Variants in LIME1 observed in about 807,000 individuals in gnomAD.
LIME1 encodes lck-interacting transmembrane adapter 1.
A neutral mutation model predicts 18.8 loss-of-function variants in LIME1; 23 were observed. The observed-to-expected ratio is 1.22, with a 90% CI of 0.88 to 1.73. The LOEUF is 1.73. Among genes scored for constraint, LIME1 ranks in the 40% most tolerant of loss-of-function variants. The pLI, the probability that LIME1 is intolerant of heterozygous loss-of-function variation, is 0.00. For synonymous variants in LIME1, 177 were observed against 182.3 expected (o/e 0.97, Z 0.23); for missense variants, 423 against 396.8 (o/e 1.07, Z -0.56).
chr20:63,737,033 C>T (rs1303338097), intron 1 of LIME1: 2 of 986,458 alleles, frequency 2.0e-6, no homozygotes, highest in African/African-American at 3.5e-5. Flanking sequence ...TGCCTGCTGA[C>T]CCAGCCTCCA....
upstream of LIME1, chr20:63,736,333 A>G: frequency 5.4e-6 from 1 of 186,904 alleles, no homozygotes; most frequent in South Asian, 8.7e-5. Context: ...GGTGGAGCTC[A>G]GTGCTGCTCC....
chr20:63,736,283 A>G, upstream of LIME1: 1 of 216,454 alleles, frequency 4.6e-6, no homozygotes, highest in Non-Finnish European at 9.3e-6. Flanking sequence ...GGCAGATCGG[A>G]GGCCAGGGTG....
At chr20:63,735,926 C>T, upstream of LIME1, 1 of 1,608,980 alleles carries the variant, frequency 6.2e-7, no homozygotes, top group Non-Finnish European at 8.5e-7. Context: ...CTAGAGACCC[C>T]ACAAGCACTA....
chr20:63,738,992 G>A lies in LIME1; in HGVS notation c.*92G>A, dbSNP rs1265012412. On this transcript the variant is annotated 3_prime_UTR_variant, in exon 6 of 6. Transcript: ENST00000309546. ...CTGACAGCGCCAGTCCCAGGTCCCC[G>A]GGCTGCCAGCCCGTGAGGTCCGTGA... 3.9e-6 allele frequency: 5 copies of A among 1,275,856 alleles called. No individual in the cohort carries two copies. The highest frequency in any genetic ancestry group is 3.0e-5 in the African/African-American group (2 of 65,984). 79.0% of individuals were successfully genotyped at this position (1,275,856 alleles called of 1,614,324 possible).
At chr20:63,737,463 A>T in intron 1 of LIME1, 70 bp from the exon 2 acceptor site, 1 of 1,398,950 alleles carries the variant, frequency 7.1e-7, no homozygotes. Context: ...CGGGAGGTGC[A>T]GATTTGGGGC....
At position 63,738,259 on chromosome 20, in the gene LIME1, A is replaced by G. The variant is rs751105632; in HGVS notation, c.345A>G (p.Ala115=). 4.0e-5 allele frequency: 63 copies of G among 1,588,094 alleles called. No homozygotes were observed. The highest frequency in any genetic ancestry group is 5.4e-5 in the Non-Finnish European group (63 of 1,172,324). ...EVSRDITGPQ[A]APSAFPHQEL... ...CCAGGGACATCACCGGACCGCAGGC[A>G]GCCCCCTCTGCCTTCCCACACCAGG... The change falls in exon 5 of 6, where the codon GCA becomes GCG. Residue 115 remains alanine (A), a synonymous_variant. Coordinates refer to ENST00000309546, the MANE Select transcript of LIME1 (RefSeq NM_017806.4).
Position 63,738,341 on chromosome 20 carries a change from G to A in LIME1, c.427G>A (p.Ala143Thr), listed in dbSNP as rs1280870670. 1 of 1,558,166 alleles carries A rather than the reference G, an allele frequency of 6.4e-7. No individual in the cohort carries two copies. The highest frequency in any genetic ancestry group is 8.7e-7 in the Non-Finnish European group (1 of 1,154,030). ...CACCGCAGGGTGCGCTGGCCTCGAG[G>A]CCACCTATTCCAACGTGGGGCTGGC... is the stretch of plus-strand genomic sequence containing the variant. Reference protein sequence around the residue: ...AATAGCAGLEATYSNVGLAAL... With the variant: ...AATAGCAGLETTYSNVGLAAL... The change falls in exon 5 of 6, where the codon GCC becomes ACC. Residue 143 changes from alanine to threonine, a missense_variant. By Grantham distance (58) the Ala-to-Thr change is moderately conservative. Transcript: ENST00000309546.
At chr20:63,736,896 C>A (rs903010992) in intron 1 of LIME1, 184 bp downstream of exon 1, 8 of 985,836 alleles carry the variant, frequency 8.1e-6, no homozygotes, top group Non-Finnish European at 9.6e-6. Context: ...GTAAGGCATC[C>A]CCCACCCCGA....
chr20:63,738,587 C>T lies in LIME1; in HGVS notation c.586-11C>T, dbSNP rs774747815. ...TGCTGACCCCTCCTCGGGTTGGCTT[C>T]CTGTCTCCAGGTGGACGTCCTGTAC... On this transcript the variant is annotated splice_polypyrimidine_tract_variant and intron_variant, in intron 5 of 5. Coordinates refer to ENST00000309546, the MANE Select transcript of LIME1 (RefSeq NM_017806.4). 2.8e-5 allele frequency: 43 copies of T among 1,539,174 alleles called. No homozygotes were observed. The highest frequency in any genetic ancestry group is 3.5e-5 in the Non-Finnish European group (40 of 1,143,992).
chr20:63,737,272 T>C lies in LIME1; in HGVS notation c.-17-261T>C, dbSNP rs2092001208. On this transcript the variant is annotated intron_variant, in intron 1 of 5. Coordinates refer to ENST00000309546, the MANE Select transcript of LIME1 (RefSeq NM_017806.4). ...GCTGTCTTGCCCCTCCTCACGGCCG[T>C]GCTGGGTGTTACCGTGGTCACCCGC... The C allele has an allele frequency of 4.1e-6, 5 of 1,228,904 alleles. No homozygotes were observed. In the South Asian group the frequency reaches 1.2e-4, roughly 30 times the overall value. The allele number at this position is 1,228,904 out of a possible 1,614,324, so 76.1% of individuals were successfully genotyped here.
chr20:63,738,248 G>C lies in LIME1; in HGVS notation c.334G>C (p.Gly112Arg), dbSNP rs750028003. 1 of 1,589,888 alleles carries C rather than the reference G, an allele frequency of 6.3e-7. No individual in the cohort carries two copies. Among genetic ancestry groups the C allele is most frequent in the Admixed American group, 1.7e-5 (1 of 58,490 alleles). The stretch of plus-strand genomic sequence containing the variant: ...GCTGGAGGTGTCCAGGGACATCACC[G>C]GACCGCAGGCAGCCCCCTCTGCCTT... The part of the protein sequence containing the change: ...HWLEVSRDIT[G>R]PQAAPSAFPH... The change falls in exon 5 of 6, where the codon GGA (glycine) becomes CGA (arginine). Residue 112 changes from glycine to arginine, a missense_variant. Physicochemically the swap from Gly to Arg is moderately radical, Grantham distance 125 (BLOSUM62 -2). Transcript: ENST00000309546.
Position 63,738,073 on chromosome 20 carries a change from C to CGGGGGGGGGGGG in LIME1, c.268+17_268+18insGGGGGGGGGGGG. ...CGCAGCAGCAGGGGTGAGCAGAGGG[C>CGGGGGGGGGGGG]GGGGCGGGGGCGGCCGGGCGGGGCT... On this transcript the variant is annotated intron_variant, in intron 4 of 5. Coordinates refer to ENST00000309546, the MANE Select transcript of LIME1 (RefSeq NM_017806.4). The CGGGGGGGGGGGG allele has an allele frequency of 1.4e-6, 2 of 1,425,090 alleles. No homozygotes were observed. The highest frequency in any genetic ancestry group is 2.1e-5 in the Admixed American group (1 of 48,012). 88.3% of individuals were successfully genotyped at this position (1,425,090 alleles called of 1,614,324 possible). A position where few individuals can be genotyped will look rare whatever the true frequency, so the allele number is the denominator to read the frequency against.
upstream of LIME1, chr20:63,736,186 G>T: frequency 2.1e-6 from 1 of 486,414 alleles, no homozygotes; most frequent in Non-Finnish European, 3.7e-6. Flanking sequence ...GGGAGAGAAG[G>T]GTCTGTGCAG....
rs753075498 is a variant in LIME1, at chr20:63,737,826, A to AG, written c.106dup (p.Asp36GlyfsTer154). 6.1e-5 allele frequency: 76 copies of AG among 1,251,572 alleles called. No individual in the cohort carries two copies. Among genetic ancestry groups the AG allele is most frequent in the African/African-American group, 1.1e-4 (7 of 64,260 alleles). The allele number at this position is 1,251,572 out of a possible 1,614,324, so 77.5% of individuals were successfully genotyped here. ...CCCCCACCTCTACCCCCAAGGCCCG[A>AG]GGACGCTGTAGCCCCCAGGAAGAGG... On this transcript the variant is annotated frameshift_variant, in exon 3 of 6. Transcript: ENST00000309546. LOFTEE classifies it high-confidence loss of function.
Position 63,736,701 on chromosome 20 carries a change from G to T in LIME1, c.-29G>T, listed in dbSNP as rs1380956350. The T allele has an allele frequency of 1.0e-6, 1 of 985,562 alleles. No homozygotes were observed. Among genetic ancestry groups the T allele is most frequent in the African/African-American group, 1.7e-5 (1 of 57,218 alleles). 61.1% of individuals were successfully genotyped at this position (985,562 alleles called of 1,614,324 possible). A position where few individuals can be genotyped will look rare whatever the true frequency, so the allele number is the denominator to read the frequency against. On this transcript the variant is annotated 5_prime_UTR_variant, in exon 1 of 6. Coordinates refer to ENST00000309546, the MANE Select transcript of LIME1 (RefSeq NM_017806.4). The stretch of plus-strand genomic sequence containing the variant: ...CCCCAGACAGAGCTGAGGACCCCTG[G>T]CCGTGGGCTTGGTAAGTGCCCTCCT...
rs1471682610 is a variant in LIME1 at position 63,737,637 on chromosome 20, G to A, written c.88G>A (p.Ala30Thr). 5 of 1,591,282 alleles carry A rather than the reference G, an allele frequency of 3.1e-6. No individual in the cohort carries two copies. Among genetic ancestry groups the A allele is most frequent in the Middle Eastern group, 1.7e-4 (1 of 5,896 alleles). Residue 30 changes from alanine (A) to threonine (T), a missense_variant, in exon 2 of 6, where the codon GCC (alanine) becomes ACC (threonine). Ala to Thr is a moderately conservative substitution (Grantham distance 58). Transcript: ENST00000309546. ...LLLSLWALCTACRRPEDAVAP... is the reference protein window; with the variant it reads ...LLLSLWALCTTCRRPEDAVAP... The stretch of plus-strand genomic sequence containing the variant: ...CCTCTCGCTGTGGGCGCTGTGCACA[G>A]CCTGCCGCAGGTAGGTCCCTCAGCC...
In LIME1 at chr20:63,737,874, T is replaced by G. The variant is rs1327959474; in HGVS notation, c.152T>G (p.Leu51Arg). 2 of 1,578,392 alleles carry G rather than the reference T, an allele frequency of 1.3e-6. No homozygotes were observed. The highest frequency in any genetic ancestry group is 1.7e-6 in the Non-Finnish European group (2 of 1,167,998). Residue 51 changes from leucine (L) to arginine (R), a missense_variant, in exon 3 of 6, where the codon CTG (leucine) becomes CGG (arginine). Leu to Arg is a moderately radical substitution (Grantham distance 102, BLOSUM62 -2). Transcript: ENST00000309546. ...AGGGCGCGGAGGCAGCGGGCGAGGC[T>G]GCAGGGCAGTGCGACGGCGGCGGAA... ...RKRARRQRAR[L>R]QGSATAAEAS...
At position 63,736,692 on chromosome 20, in the gene LIME1, G is replaced by A. The variant is rs2091993224; in HGVS notation, c.-38G>A. ...CCTGGCCTGCCCCAGACAGAGCTGA[G>A]GACCCCTGGCCGTGGGCTTGGTAAG... On this transcript the variant is annotated 5_prime_UTR_variant, in exon 1 of 6. Coordinates refer to ENST00000309546, the MANE Select transcript of LIME1 (RefSeq NM_017806.4). 1 of 985,558 alleles carries A rather than the reference G, an allele frequency of 1.0e-6. No individual in the cohort carries two copies. 61.1% of individuals were successfully genotyped at this position (985,558 alleles called of 1,614,324 possible).
chr20:63,738,994 G>C lies in LIME1; in HGVS notation c.*94G>C. The C allele has an allele frequency of 1.6e-6, 2 of 1,268,584 alleles. No homozygotes were observed. Among genetic ancestry groups the C allele is most frequent in the East Asian group, 2.6e-5 (1 of 38,110 alleles). The allele number at this position is 1,268,584 out of a possible 1,614,324, so 78.6% of individuals were successfully genotyped here. On this transcript the variant is annotated 3_prime_UTR_variant, in exon 6 of 6. Transcript: ENST00000309546. ...GACAGCGCCAGTCCCAGGTCCCCGG[G>C]CTGCCAGCCCGTGAGGTCCGTGAGG...
Sources: allele counts gnomAD v4.1 joint callset, GRCh38; gene constraint gnomAD v4.1.1; transcripts MANE v1.5; gene names NCBI Gene and HGNC (gene_info 2026-07-23, HGNC 2026-07-21).